CDH13: variants seen among roughly 807,000 people sequenced by gnomAD.
The protein encoded by CDH13 is cadherin 13.
CDH13 carries 24 observed loss-of-function variants against 63.8 expected under a neutral mutation model. The ratio of observed to expected loss-of-function variants is 0.38; its 90% CI spans 0.27 to 0.53. The LOEUF is 0.53. Among genes scored for constraint, CDH13 ranks in the 20% least tolerant of loss-of-function variants. The pLI is 0.85. For synonymous variants in CDH13, 503 were observed against 355.3 expected (o/e 1.42, Z -4.67); for missense variants, 1,049 against 903.1 (o/e 1.16, Z -2.07).
intron 2 of CDH13, among the ~76,000 whole-genome samples, chr16:82,941,512 C>G (rs191443711): frequency 2.0e-5 from 3 of 152,106 alleles, no homozygotes; most frequent in Non-Finnish European, 4.4e-5. Flanking sequence ...AGAAAATAGC[C>G]CTTCCCTTTC....
chr16:82,719,475 C>T (rs1371050301), intron 1 of CDH13: 5 of 455,554 alleles, frequency 1.1e-5, no homozygotes, highest in Admixed American at 4.7e-5. Flanking sequence ...ATGCCAACTT[C>T]GTAAGTTACA....
chr16:83,350,616 G>A (rs868461836), intron 6 of CDH13, among the ~76,000 whole-genome samples: 5 of 152,218 alleles, frequency 3.3e-5, no homozygotes, highest in Middle Eastern at 3.4e-3. Context: ...GCTATTCTAA[G>A]CTCTGAATGT....
At chr16:83,276,025 A>G (rs549467386) in intron 5 of CDH13, among the ~76,000 whole-genome samples, 4 of 152,288 alleles carry the variant, frequency 2.6e-5, no homozygotes, top group African/African-American at 9.6e-5. Context: ...TGTACAAGGA[A>G]AGGAGTTAAT....
chr16:83,457,366 G>A, intron 6 of CDH13, among the ~76,000 whole-genome samples: 1 of 152,098 alleles, frequency 6.6e-6, no homozygotes, highest in East Asian at 1.9e-4. Context: ...GGCAGGGTGG[G>A]CACTGAAGGG....
chr16:83,024,500 T>G (rs1193377900), intron 2 of CDH13, among the ~76,000 whole-genome samples: 2 of 152,120 alleles, frequency 1.3e-5, no homozygotes. Flanking sequence ...GAGTGTGGGC[T>G]CTAGAACCAG....
chr16:82,828,620 TAAAATA>T (rs1409681615), intron 1 of CDH13, among the ~76,000 whole-genome samples: 2 of 151,274 alleles, frequency 1.3e-5, no homozygotes, highest in African/African-American at 2.4e-5. Flanking sequence ...AGGGCCTGTC[TAAAATA>T]AAAATAAAAA....
Position 83,465,790 on chromosome 16 carries a change from C to A in CDH13, c.782-20687C>A, listed in dbSNP as rs536619100. On this transcript the variant is annotated intron_variant, in intron 6 of 13. Transcript: ENST00000567109. ...CTTCTGGTTTCATTCTTCACTCTGG[C>A]AGTCAGCACAATTCACAGGTGTATC... Among the ~76,000 whole-genome samples, 4 of 152,304 alleles carry A rather than the reference C, an allele frequency of 2.6e-5. No homozygotes were observed. The South Asian group carries it at 8.3e-4, about 32-fold the overall frequency.
At chr16:83,598,962 A>T (rs980443449) in intron 7 of CDH13, among the ~76,000 whole-genome samples, 1 of 152,186 alleles carries the variant, frequency 6.6e-6, no homozygotes, top group African/African-American at 2.4e-5. Flanking sequence ...CACTTAGGTT[A>T]TGTCCTCATC....
At chr16:83,609,909 T>TCTA (rs146175980) in intron 8 of CDH13, among the ~76,000 whole-genome samples, 2,559 of 152,316 alleles carry the variant, frequency 0.017, 70 homozygotes, top group African/African-American at 0.058. Context: ...CCACCACTGA[T>TCTA]CTACTGTCAG....
chr16:83,725,807 G>A (rs1799632237), intron 10 of CDH13: 1 of 152,208 alleles, frequency 6.6e-6, no homozygotes, highest in Non-Finnish European at 1.5e-5. Flanking sequence ...TTCTTTCTGT[G>A]TTGTCAGTTA....
intron 5 of CDH13, among the ~76,000 whole-genome samples, chr16:83,261,273 A>G (rs953829708): frequency 9.9e-5 from 15 of 152,122 alleles, no homozygotes; most frequent in African/African-American, 3.6e-4. Context: ...TTTGCTAAAC[A>G]CCAACTCTGT....
At chr16:83,092,812 C>G (rs929355123) in intron 3 of CDH13, among the ~76,000 whole-genome samples, 4 of 152,146 alleles carry the variant, frequency 2.6e-5, no homozygotes, top group African/African-American at 9.7e-5. Context: ...CCAAGAGACT[C>G]CAAATTTAGT....
At chr16:82,802,022 T>A (rs184691116) in intron 1 of CDH13, among the ~76,000 whole-genome samples, 9 of 152,300 alleles carry the variant, frequency 5.9e-5, no homozygotes, top group Non-Finnish European at 1.2e-4. Flanking sequence ...TGGGGCTCAG[T>A]TCCGTTGAGG....
chr16:82,852,542 G>T (rs1046519081), intron 1 of CDH13, among the ~76,000 whole-genome samples: 3 of 152,310 alleles, frequency 2.0e-5, no homozygotes, highest in Admixed American at 2.0e-4. Flanking sequence ...TATTCTGTTG[G>T]CCAGTGCTTA....
chr16:83,023,506 C>A (rs1915533899), intron 2 of CDH13, among the ~76,000 whole-genome samples: 1 of 152,152 alleles, frequency 6.6e-6, no homozygotes. Context: ...TTTCCCCTTT[C>A]AGATAGAGGT....
At chr16:82,985,227 T>C (rs1400822326) in intron 2 of CDH13, among the ~76,000 whole-genome samples, 3 of 152,212 alleles carry the variant, frequency 2.0e-5, no homozygotes, top group Admixed American at 2.0e-4. Flanking sequence ...GTAGTGTCAG[T>C]ATCTCTGAGA....
chr16:83,545,909 A>G (rs747253178), intron 7 of CDH13, among the ~76,000 whole-genome samples: 1 of 152,154 alleles, frequency 6.6e-6, no homozygotes, highest in Non-Finnish European at 1.5e-5. Context: ...TTCAATGACA[A>G]CTATCTACCA....
intron 1 of CDH13, chr16:82,719,415 A>T: frequency 2.2e-6 from 1 of 455,950 alleles, no homozygotes; most frequent in Admixed American, 2.3e-5. Flanking sequence ...TGGCTGTCCA[A>T]TGGCTTGGAG....
intron 1 of CDH13, among the ~76,000 whole-genome samples, chr16:82,776,116 A>T (rs568485826): frequency 1.3e-5 from 2 of 152,284 alleles, no homozygotes; most frequent in South Asian, 2.1e-4. Flanking sequence ...TGGGTGAGGC[A>T]TGAGAATCGC....
Sources: allele counts gnomAD v4.1 joint callset (sites outside exome capture counted in the v4.1 genomes callset), GRCh38; gene constraint gnomAD v4.1.1; transcripts MANE v1.5; gene names NCBI Gene and HGNC (gene_info 2026-07-23, HGNC 2026-07-21).